The following DNAH9 variants were observed in gnomAD, a reference collection of about 807,000 sequenced individuals.
DNAH9 encodes DNAH9 variant protein.
In DNAH9, 345 loss-of-function variants were observed where a neutral mutation model predicts 471.6. The ratio of observed to expected loss-of-function variants is 0.73; its 90% CI spans 0.67 to 0.80. The LOEUF (loss-of-function observed/expected upper bound fraction) is 0.80. DNAH9 is among the 30% of genes least tolerant of loss of function. The probability of loss-of-function intolerance (pLI) is 0.00; values close to 1 mark genes in which losing one functional copy is unlikely to be tolerated. For missense variants in DNAH9, 5,407 were observed against 5,609.2 expected (o/e 0.96, Z 1.15); for synonymous variants, 2,093 against 2,123.6 (o/e 0.99, Z 0.40).
At chr17:11,757,353 C>CATCT (rs1265114298) in intron 34 of DNAH9, among the ~76,000 whole-genome samples, 192 bp from the exon 35 acceptor site, 5 of 152,108 alleles carry the variant, frequency 3.3e-5, no homozygotes, top group Non-Finnish European at 7.4e-5. Context: ...GCTCCCCATC[C>CATCT]ATCTATCATC....
At chr17:11,684,029 T>C (rs112661647) in intron 19 of DNAH9, among the ~76,000 whole-genome samples, 3,674 of 152,310 alleles carry the variant, frequency 0.024, 151 homozygotes, top group African/African-American at 0.083. Flanking sequence ...ATCTGGTTTC[T>C]CCACTGTTAA....
chr17:11,840,118 A>C (rs2150958242), intron 49 of DNAH9, among the ~76,000 whole-genome samples: 1 of 152,330 alleles, frequency 6.6e-6, no homozygotes, highest in South Asian at 2.1e-4. Context: ...GCACTCCTTT[A>C]TTCATTGCAG....
intron 24 of DNAH9, among the ~76,000 whole-genome samples, chr17:11,702,743 G>A (rs1022643070): frequency 6.6e-6 from 1 of 152,162 alleles, no homozygotes; most frequent in African/African-American, 2.4e-5. Context: ...GCCATTTCAG[G>A]GGAGTGGTAG....
Position 11,937,582 on chromosome 17 carries a change from C to T in DNAH9, c.12660+60C>T. On this transcript the variant is annotated intron_variant, in intron 66 of 68. Coordinates refer to ENST00000262442, the MANE Select transcript of DNAH9 (RefSeq NM_001372.4). This position sits in a 1 kb window ranked among gnomAD's most constrained non-coding sequence, Gnocchi z 4.1. The stretch of plus-strand genomic sequence containing the variant: ...GGGGACCCCGAGGATCATAGATGCA[C>T]ACCTTTCTCCTGCTGGCCATTTTGG... 6.6e-7 allele frequency: 1 copy of T among 1,522,368 alleles called. No homozygotes were observed. The highest frequency in any genetic ancestry group is 8.8e-7 in the Non-Finnish European group (1 of 1,130,524). The allele number at this position is 1,522,368 out of a possible 1,614,324, so 94.3% of individuals were successfully genotyped here.
chr17:11,928,138 T>TTC (rs1974393450), intron 62 of DNAH9, among the ~76,000 whole-genome samples: 4 of 117,440 alleles, frequency 3.4e-5, no homozygotes, highest in East Asian at 2.6e-4. Flanking sequence ...TTCATTCATT[T>TTC]ATTTATTTAT....
At chr17:11,959,791 A>T (rs1975926731) in intron 67 of DNAH9, among the ~76,000 whole-genome samples, 1 of 152,188 alleles carries the variant, frequency 6.6e-6, no homozygotes, top group Non-Finnish European at 1.5e-5. Flanking sequence ...ACCTCAAAAC[A>T]TCTGGATAAA....
rs377663702 is a variant in DNAH9 at position 11,781,042 on chromosome 17, G to A, written c.7586G>A (p.Gly2529Asp). The A allele has an allele frequency of 1.2e-6, 2 of 1,614,082 alleles. No homozygotes were observed. Among genetic ancestry groups the A allele is most frequent in the South Asian group, 1.1e-5 (1 of 91,070 alleles). ...VLEKPLEKKAGRNYGPPGNKK... is the reference protein window; with the variant it reads ...VLEKPLEKKADRNYGPPGNKK... ...GAGAAGCCTCTGGAAAAGAAGGCTG[G>A]CAGAAACTATGGCCCTCCAGGGAAC... The change falls in exon 39 of 69, where the codon GGC becomes GAC. Residue 2529 changes from glycine (G) to aspartate (D), a missense_variant. This residue lies in a region of DNAH9 where 4,636 missense variants were observed against 4,900.3 expected (regional missense o/e 0.95). Coordinates refer to ENST00000262442, the MANE Select transcript of DNAH9 (RefSeq NM_001372.4).
chr17:11,694,555 C>G, intron 22 of DNAH9, 108 bp downstream of exon 22: 2 of 1,205,184 alleles, frequency 1.7e-6, no homozygotes, highest in Non-Finnish European at 2.4e-6. Flanking sequence ...AGGTTCTGTA[C>G]TTCAGACCTG....
chr17:11,934,284 G>T (rs1343217209), intron 65 of DNAH9, among the ~76,000 whole-genome samples: 1 of 152,072 alleles, frequency 6.6e-6, no homozygotes, highest in African/African-American at 2.4e-5. Flanking sequence ...AGAGATACGG[G>T]ATTTCTAGCC....
chr17:11,598,932 G>A lies in DNAH9; in HGVS notation c.417+17G>A. The A allele has an allele frequency of 2.7e-6, 4 of 1,467,694 alleles. No individual in the cohort carries two copies. The highest frequency in any genetic ancestry group is 2.7e-6 in the Non-Finnish European group (3 of 1,112,374). 90.9% of individuals were successfully genotyped at this position (1,467,694 alleles called of 1,614,324 possible). ...TTCTCGGAGGTGAGGGTGGGTTAGT[G>A]TCCCCGCGCGGCTAAAGCTGGGTGG... On this transcript the variant is annotated intron_variant, in intron 1 of 68. Coordinates refer to ENST00000262442, the MANE Select transcript of DNAH9 (RefSeq NM_001372.4).
intron 38 of DNAH9, among the ~76,000 whole-genome samples, chr17:11,776,161 G>C (rs1334709115): frequency 6.6e-6 from 1 of 152,082 alleles, no homozygotes; most frequent in East Asian, 1.9e-4. Flanking sequence ...TATGGCTTTT[G>C]ACCGCAAGTA....
chr17:11,894,948 G>C (rs1318279933), intron 59 of DNAH9, among the ~76,000 whole-genome samples: 1 of 152,186 alleles, frequency 6.6e-6, no homozygotes, highest in Non-Finnish European at 1.5e-5. Context: ...ATGCTCAGCA[G>C]TTAATAACAG....
chr17:11,794,602 C>T (rs1029972938), intron 42 of DNAH9, among the ~76,000 whole-genome samples: 4 of 152,192 alleles, frequency 2.6e-5, no homozygotes, highest in African/African-American at 7.2e-5. Context: ...TGACATCCTC[C>T]TGATTGCTCT....
At chr17:11,606,409 G>A (rs2072503178) in intron 1 of DNAH9, among the ~76,000 whole-genome samples, 1 of 149,668 alleles carries the variant, frequency 6.7e-6, no homozygotes, top group South Asian at 2.1e-4. Flanking sequence ...AAGATTCCGG[G>A]TGAGTTTACT....
chr17:11,817,094 G>A (rs187423605), intron 45 of DNAH9, among the ~76,000 whole-genome samples: 1 of 152,182 alleles, frequency 6.6e-6, no homozygotes, highest in Non-Finnish European at 1.5e-5. Flanking sequence ...CCGAACTTTA[G>A]GTCTCAGGAG....
intron 50 of DNAH9, among the ~76,000 whole-genome samples, chr17:11,868,490 C>G (rs1223509309): frequency 6.6e-6 from 1 of 151,906 alleles, no homozygotes; most frequent in Non-Finnish European, 1.5e-5. Context: ...GAAATTATGT[C>G]TTTTTTATGT....
intron 43 of DNAH9, among the ~76,000 whole-genome samples, chr17:11,807,154 C>A (rs970848422): frequency 2.0e-5 from 3 of 152,070 alleles, no homozygotes; most frequent in South Asian, 2.1e-4. Flanking sequence ...AACCCACAAA[C>A]CTTCATTACA....
chr17:11,605,309 A>C (rs2072477502), intron 1 of DNAH9, among the ~76,000 whole-genome samples: 1 of 152,016 alleles, frequency 6.6e-6, no homozygotes, highest in African/African-American at 2.4e-5. Context: ...TTATTCACAG[A>C]ACTTACTGTT....
chr17:11,874,259 A>AG (rs57287710), intron 52 of DNAH9, among the ~76,000 whole-genome samples: 1 of 151,464 alleles, frequency 6.6e-6, no homozygotes, highest in Non-Finnish European at 1.5e-5. Context: ...AAAAAAAAAA[A>AG]GAACTGAGTG....
Sources: allele counts gnomAD v4.1 joint callset (sites outside exome capture counted in the v4.1 genomes callset), GRCh38; gene constraint gnomAD v4.1.1; regional missense constraint gnomAD v4.1.1; non-coding constraint Gnocchi (gnomAD v3.1); transcripts MANE v1.5; gene names NCBI Gene and HGNC (gene_info 2026-07-23, HGNC 2026-07-21).